CLYBL: variants seen among roughly 807,000 people sequenced by gnomAD.
CLYBL encodes citramalyl-CoA lyase, mitochondrial.
CLYBL carries 31 observed loss-of-function variants against 38.9 expected under a neutral mutation model. The ratio of observed to expected loss-of-function variants is 0.80; its 90% CI spans 0.60 to 1.08. CLYBL has a LOEUF of 1.08. Among genes scored for constraint, CLYBL ranks in the 50% least tolerant of loss-of-function variants. CLYBL has a pLI of 0.00. For synonymous variants in CLYBL, 171 were observed against 158.6 expected, an observed-to-expected ratio of 1.08 and a Z score of -0.59; for missense variants, 434 against 411.6, an observed-to-expected ratio of 1.05 and a Z score of -0.47.
intron 7 of CLYBL, among the ~76,000 whole-genome samples, chr13:99,872,324 A>G (rs75060419): frequency 0.015 from 2,322 of 152,324 alleles, 47 homozygotes; most frequent in African/African-American, 0.053. Context: ...TTTCCCATCA[A>G]CAGTGGCCAT....
intron 1 of CLYBL, among the ~76,000 whole-genome samples, chr13:99,655,447 T>A (rs1291671391): frequency 6.6e-6 from 1 of 152,186 alleles, no homozygotes; most frequent in African/African-American, 2.4e-5. Flanking sequence ...GTGTGACTCA[T>A]GGAATGAAGA....
At chr13:99,904,571 G>T (rs188179005) in intron 8 of CLYBL, among the ~76,000 whole-genome samples, 41 of 152,278 alleles carry the variant, frequency 2.7e-4, no homozygotes, top group Admixed American at 2.2e-3. Flanking sequence ...TATAATTTTC[G>T]AAATCAGCCA....
intron 2 of CLYBL, among the ~76,000 whole-genome samples, chr13:99,811,449 C>T (rs571501170): frequency 2.6e-5 from 4 of 152,126 alleles, no homozygotes; most frequent in Non-Finnish European, 5.9e-5. Context: ...GGAGGAAGGG[C>T]CTCCCTTCCT....
intron 7 of CLYBL, chr13:99,884,984 G>A (rs558953844): frequency 4.8e-5 from 23 of 481,892 alleles, no homozygotes; most frequent in South Asian, 2.8e-4. Context: ...CAGGTAGGTC[G>A]GTATTGCTGC....
chr13:99,764,881 G>A (rs972039554), intron 1 of CLYBL, among the ~76,000 whole-genome samples: 2 of 150,888 alleles, frequency 1.3e-5, no homozygotes, highest in South Asian at 2.1e-4. Flanking sequence ...GGGTCTCACA[G>A]GTCTCGCTAT....
At chr13:99,826,130 A>G (rs559110209) in intron 2 of CLYBL, among the ~76,000 whole-genome samples, 1 of 152,360 alleles carries the variant, frequency 6.6e-6, no homozygotes, top group East Asian at 1.9e-4. Context: ...GATAGGCTAT[A>G]GTACCCGGTT....
chr13:99,839,321 C>T (rs1208810773), intron 2 of CLYBL, among the ~76,000 whole-genome samples: 1 of 152,158 alleles, frequency 6.6e-6, no homozygotes, highest in Non-Finnish European at 1.5e-5. Context: ...ACAGAAGACC[C>T]AGGGAAACAT....
intron 1 of CLYBL, among the ~76,000 whole-genome samples, chr13:99,709,496 G>A (rs573135896): frequency 6.6e-6 from 1 of 152,178 alleles, no homozygotes; most frequent in South Asian, 2.1e-4. Flanking sequence ...TTCTCAGCTT[G>A]TATTCCTGTC....
chr13:99,737,343 G>C (rs1225113213), intron 1 of CLYBL, among the ~76,000 whole-genome samples: 4 of 152,210 alleles, frequency 2.6e-5, no homozygotes, highest in Admixed American at 6.5e-5. Context: ...TGGGCTTCCT[G>C]TGCACGAGGT....
At chr13:99,824,658 T>G (rs2050659039) in intron 2 of CLYBL, among the ~76,000 whole-genome samples, 1 of 152,112 alleles carries the variant, frequency 6.6e-6, no homozygotes, top group Non-Finnish European at 1.5e-5. Context: ...TGTCTTGCCT[T>G]TTCTTTTCCT....
At chr13:99,754,904 T>C (rs1222257105) in intron 1 of CLYBL, among the ~76,000 whole-genome samples, 1 of 144,736 alleles carries the variant, frequency 6.9e-6, no homozygotes, top group Non-Finnish European at 1.5e-5. Flanking sequence ...GATGATCTCT[T>C]TTTTTTTTTT....
chr13:99,689,310 G>C (rs2047865050), intron 1 of CLYBL, among the ~76,000 whole-genome samples: 2 of 152,222 alleles, frequency 1.3e-5, no homozygotes, highest in Non-Finnish European at 2.9e-5. Context: ...AGGGGAGACA[G>C]GATTTAGGGT....
chr13:99,869,166 A>T lies in CLYBL; in HGVS notation c.803-1772A>T, dbSNP rs138377062. On this transcript the variant is annotated intron_variant, in intron 6 of 8. Coordinates refer to ENST00000339105, the MANE Select transcript of CLYBL (RefSeq NM_206808.5). This position sits in a 1 kb window ranked among gnomAD's most constrained non-coding sequence, Gnocchi z 4.3. ...CACACATTTCTAAAACCTAACATGT[A>T]TCTTAAAATTAGCCTCATTGCCCAA... Among the ~76,000 whole-genome samples, 1 of 152,212 alleles carries T rather than the reference A, an allele frequency of 6.6e-6. No homozygotes were observed. Among genetic ancestry groups the T allele is most frequent in the African/African-American group, 2.4e-5 (1 of 41,460 alleles).
At chr13:99,708,285 G>C (rs1277549479) in intron 1 of CLYBL, among the ~76,000 whole-genome samples, 3 of 152,152 alleles carry the variant, frequency 2.0e-5, no homozygotes, top group African/African-American at 7.2e-5. Flanking sequence ...CCGGCCTGAT[G>C]CTGGGTGTTT....
intron 1 of CLYBL, among the ~76,000 whole-genome samples, chr13:99,609,046 C>T (rs964491630): frequency 4.6e-5 from 7 of 151,146 alleles, no homozygotes; most frequent in Non-Finnish European, 7.4e-5. Flanking sequence ...TTATCTCTCT[C>T]TTCTCTTTCG....
intron 2 of CLYBL, among the ~76,000 whole-genome samples, chr13:99,796,105 G>A (rs2050016446): frequency 2.0e-5 from 3 of 152,202 alleles, no homozygotes; most frequent in Admixed American, 1.3e-4. Context: ...CAAATTTGTG[G>A]TCAAGACATA....
At chr13:99,754,281 G>A (rs117992808) in intron 1 of CLYBL, among the ~76,000 whole-genome samples, 61 of 151,556 alleles carry the variant, frequency 4.0e-4, no homozygotes, top group Admixed American at 1.5e-3. Flanking sequence ...ATGGTAGCAC[G>A]TGCCAGTAGT....
intron 1 of CLYBL, among the ~76,000 whole-genome samples, chr13:99,654,954 G>C (rs1284490540): frequency 6.6e-6 from 1 of 152,014 alleles, no homozygotes; most frequent in Non-Finnish European, 1.5e-5. Context: ...GCAGTGAGCC[G>C]AGATCGCGCT....
chr13:99,700,495 C>T (rs1348904697), intron 1 of CLYBL, among the ~76,000 whole-genome samples: 2 of 152,172 alleles, frequency 1.3e-5, no homozygotes, highest in African/African-American at 4.8e-5. Context: ...TAAATGGCTA[C>T]TTGTAAACAA....
Sources: allele counts gnomAD v4.1 joint callset (sites outside exome capture counted in the v4.1 genomes callset), GRCh38; gene constraint gnomAD v4.1.1; non-coding constraint Gnocchi (gnomAD v3.1); transcripts MANE v1.5; gene names NCBI Gene and HGNC (gene_info 2026-07-23, HGNC 2026-07-21).